The following CCDC148 variants were observed in gnomAD, a reference collection of about 807,000 sequenced individuals.
CCDC148 encodes the protein coiled-coil domain containing 148.
In CCDC148, 89 loss-of-function variants were observed where a neutral mutation model predicts 85.7. The observed-to-expected ratio is 1.04, with a 90% CI of 0.87 to 1.24. The LOEUF (loss-of-function observed/expected upper bound fraction) is 1.24, where lower values mean the gene tolerates loss of function less well. Among genes scored for constraint, CCDC148 ranks in the 50% most tolerant of loss-of-function variants. The probability of loss-of-function intolerance (pLI) is 0.00; values close to 1 mark genes in which losing one functional copy is unlikely to be tolerated. For synonymous variants in CCDC148, 230 were observed against 213.9 expected (o/e 1.08, Z -0.66); for missense variants, 692 against 671.7 (o/e 1.03, Z -0.33).
intron 10 of CCDC148, among the ~76,000 whole-genome samples, chr2:158,228,253 A>G (rs1337997459): frequency 1.3e-5 from 2 of 152,232 alleles, no homozygotes; most frequent in Admixed American, 1.3e-4. Flanking sequence ...CAAAACCACA[A>G]TGAGATACCA....
At position 158,262,380 on chromosome 2, in the gene CCDC148, G is replaced by C. The variant is rs183446822; in HGVS notation, c.1111-11468C>G. ...TTTGAGAGTGGAGTGTGGGAGGAGG[G>C]AGAGGAGCAGAAAAATAACTATAGG... On this transcript the variant is annotated intron_variant, in intron 9 of 13. Transcript: ENST00000283233. 2.3e-4 allele frequency among the ~76,000 whole-genome samples: 35 copies of C among 152,036 alleles called. No individual in the cohort carries two copies. The East Asian group carries it at 6.4e-3, about 28-fold the overall frequency.
chr2:158,401,125 T>A (rs890054996), intron 1 of CCDC148, among the ~76,000 whole-genome samples: 23 of 152,182 alleles, frequency 1.5e-4, no homozygotes, highest in African/African-American at 4.8e-4. Flanking sequence ...AATTCAACCA[T>A]TGTGGAAGAC....
intron 7 of CCDC148, among the ~76,000 whole-genome samples, chr2:158,324,822 G>A (rs182860567): frequency 1.4e-4 from 22 of 152,024 alleles, no homozygotes; most frequent in African/African-American, 5.3e-4. Context: ...TTTGCATTTA[G>A]AATTACCAGC....
In CCDC148 at chr2:158,302,056, C is replaced by T. The variant is rs574098513; in HGVS notation, c.1110+7377G>A. 1.3e-4 allele frequency among the ~76,000 whole-genome samples: 20 copies of T among 152,188 alleles called. 1 individual carries two copies. The highest frequency in any genetic ancestry group is 3.4e-3 in the Middle Eastern group (1 of 294). Reference sequence around the variant, plus strand: ...TAAGAGAGACAAAAATAAAGAAAGGCGATAACCACTAGCATCACATTTCTA... The same window carrying T: ...TAAGAGAGACAAAAATAAAGAAAGGTGATAACCACTAGCATCACATTTCTA... On this transcript the variant is annotated intron_variant, in intron 9 of 13. Coordinates refer to ENST00000283233, the MANE Select transcript of CCDC148 (RefSeq NM_138803.4).
chr2:158,329,991 T>A (rs555227409), intron 7 of CCDC148, among the ~76,000 whole-genome samples: 1 of 152,092 alleles, frequency 6.6e-6, no homozygotes, highest in African/African-American at 2.4e-5. Context: ...TAATTGAATA[T>A]CCTTTATTTC....
intron 9 of CCDC148, among the ~76,000 whole-genome samples, chr2:158,308,073 G>A (rs1019889003): frequency 4.6e-5 from 7 of 152,098 alleles, no homozygotes; most frequent in Admixed American, 4.6e-4. Flanking sequence ...GCATGTCTAT[G>A]GTTGGTATTG....
Position 158,309,426 on chromosome 2 carries a change from A to C in CCDC148, c.1110+7T>G. The C allele has an allele frequency of 6.2e-7, 1 of 1,610,608 alleles. No individual in the cohort carries two copies. On this transcript the variant is annotated splice_region_variant and intron_variant, in intron 9 of 13. Coordinates refer to ENST00000283233, the MANE Select transcript of CCDC148 (RefSeq NM_138803.4). The stretch of plus-strand genomic sequence containing the variant: ...ACAAATACTGAAACACCTGTGCAGC[A>C]TCTTACCTTGGCTTTCAGATCAGCA...
chr2:158,276,600 G>C (rs6726251), intron 9 of CCDC148, among the ~76,000 whole-genome samples: 2,606 of 139,152 alleles, frequency 0.019, 69 homozygotes, highest in African/African-American at 0.07. Context: ...CAAAACAACT[G>C]CCTCATTATA....
At chr2:158,234,463 A>G (rs1372790082) in intron 10 of CCDC148, among the ~76,000 whole-genome samples, 6 of 152,166 alleles carry the variant, frequency 3.9e-5, no homozygotes, top group Non-Finnish European at 8.8e-5. Context: ...AGGAGGGTAA[A>G]TTGTCATACT....
chr2:158,248,324 T>C (rs1040416602), intron 10 of CCDC148, among the ~76,000 whole-genome samples: 1 of 152,124 alleles, frequency 6.6e-6, no homozygotes, highest in Non-Finnish European at 1.5e-5. Context: ...ATTTAAATTT[T>C]AAAAATCTGA....
rs768135599 is a variant in CCDC148, at chr2:158,345,258, T to C, written c.208A>G (p.Lys70Glu). Reference sequence around the variant, plus strand: ...TGGTATTCCTGCCACCACACTTGCTTGTGTTGTTTTATTAGTGTTTGTTCT... The same window carrying C: ...TGGTATTCCTGCCACCACACTTGCTCGTGTTGTTTTATTAGTGTTTGTTCT... The part of the protein sequence containing the change: ...SKEQTLIKQH[K>E]QVWWQEYQRL... The change falls in exon 3 of 14, where the codon AAG becomes GAG. Residue 70 changes from lysine to glutamate, a missense_variant. Lys to Glu is a moderately conservative substitution (Grantham distance 56, BLOSUM62 1). Transcript: ENST00000283233. 1.2e-6 allele frequency: 2 copies of C among 1,613,654 alleles called. No individual in the cohort carries two copies. The highest frequency in any genetic ancestry group is 1.7e-6 in the Non-Finnish European group (2 of 1,179,754).
At chr2:158,426,652 T>C (rs547332428) in intron 1 of CCDC148, among the ~76,000 whole-genome samples, 19 of 152,308 alleles carry the variant, frequency 1.2e-4, no homozygotes, top group African/African-American at 4.1e-4. Flanking sequence ...CCAGGTTAAC[T>C]ACTGGGATTG....
intron 1 of CCDC148, among the ~76,000 whole-genome samples, chr2:158,360,882 C>G (rs1683913886): frequency 6.6e-6 from 1 of 151,792 alleles, no homozygotes; most frequent in Non-Finnish European, 1.5e-5. Flanking sequence ...CTCCCCCAAG[C>G]TAAAGGAGCA....
chr2:158,375,204 C>A (rs1232902419), intron 1 of CCDC148, among the ~76,000 whole-genome samples: 1 of 152,020 alleles, frequency 6.6e-6, no homozygotes, highest in Non-Finnish European at 1.5e-5. Flanking sequence ...CAAGTTTGGA[C>A]CACTTCCCAG....
intron 11 of CCDC148, among the ~76,000 whole-genome samples, chr2:158,214,890 T>C (rs1031675875): frequency 2.6e-5 from 4 of 152,164 alleles, no homozygotes; most frequent in Non-Finnish European, 5.9e-5. Context: ...GAGATTAAAT[T>C]TGGTATACGT....
At chr2:158,387,860 C>T (rs1469434363) in intron 1 of CCDC148, among the ~76,000 whole-genome samples, 2 of 152,146 alleles carry the variant, frequency 1.3e-5, no homozygotes, top group African/African-American at 4.8e-5. Context: ...TGGTCCTTAC[C>T]CGCATTGGTC....
intron 3 of CCDC148, among the ~76,000 whole-genome samples, chr2:158,343,108 C>T (rs1394683760): frequency 2.6e-5 from 4 of 152,100 alleles, no homozygotes; most frequent in African/African-American, 4.8e-5. Flanking sequence ...AAGACTTGAA[C>T]GCCTAGGCTG....
intron 9 of CCDC148, among the ~76,000 whole-genome samples, chr2:158,306,035 C>T (rs1691668618): frequency 6.6e-6 from 1 of 152,170 alleles, no homozygotes; most frequent in Non-Finnish European, 1.5e-5. Context: ...GTTACACTTA[C>T]ATGACCTTCT....
chr2:158,378,315 A>T (rs1027732542), intron 1 of CCDC148, among the ~76,000 whole-genome samples: 1 of 152,146 alleles, frequency 6.6e-6, no homozygotes, highest in Non-Finnish European at 1.5e-5. Context: ...CTTTGATTCT[A>T]GGAAGCCTAA....
Sources: gnomAD v4.1 joint callset for allele counts (sites outside exome capture counted in the v4.1 genomes callset) on GRCh38, gnomAD v4.1.1 for gene constraint, MANE v1.5 for transcripts, NCBI Gene and HGNC (gene_info 2026-07-23, HGNC 2026-07-21) for gene names.